Variants in CHODL observed in about 807,000 individuals in gnomAD.
The protein encoded by CHODL is transmembrane protein MT75.
A neutral mutation model predicts 34.5 loss-of-function variants in CHODL; 29 were observed. That is an observed-to-expected ratio of 0.84 (90% CI 0.63 to 1.15). The LOEUF (loss-of-function observed/expected upper bound fraction) is 1.15. Among genes scored for constraint, CHODL ranks in the 50% most tolerant of loss-of-function variants. CHODL has a pLI of 0.00. For synonymous variants in CHODL, 125 were observed against 116.1 expected (o/e 1.08, Z -0.49); for missense variants, 332 against 332.5 (o/e 1.00, Z 0.01).
intron 1 of CHODL, among the ~76,000 whole-genome samples, chr21:17,968,395 T>G (rs896733765): frequency 1.3e-5 from 2 of 152,238 alleles, no homozygotes; most frequent in South Asian, 2.1e-4. Flanking sequence ...AGTATTTTCT[T>G]GGCACCTGGT....
intron 2 of CHODL, among the ~76,000 whole-genome samples, chr21:18,117,919 G>A (rs191316874): frequency 5.1e-4 from 78 of 152,158 alleles, no homozygotes; most frequent in African/African-American, 1.6e-3. Flanking sequence ...GGCTTGCTGT[G>A]CAGGGCTCTT....
At chr21:18,250,460 TATAA>T (rs1432719162) in intron 1 of CHODL, among the ~76,000 whole-genome samples, 2 of 151,774 alleles carry the variant, frequency 1.3e-5, no homozygotes, top group Admixed American at 1.3e-4. Flanking sequence ...TAAATAAAAT[TATAA>T]ATAAATTTGT....
intron 2 of CHODL, among the ~76,000 whole-genome samples, chr21:18,221,088 A>C (rs2073879065): frequency 6.6e-6 from 1 of 151,996 alleles, no homozygotes; most frequent in African/African-American, 2.4e-5. Flanking sequence ...ATGCTTTTTA[A>C]TTCTTTTTTT....
chr21:18,160,199 C>CT (rs1384705038), intron 2 of CHODL, among the ~76,000 whole-genome samples: 1 of 152,138 alleles, frequency 6.6e-6, no homozygotes, highest in African/African-American at 2.4e-5. Flanking sequence ...ATAAAGTGAT[C>CT]TACACAGGGT....
intron 2 of CHODL, among the ~76,000 whole-genome samples, chr21:18,146,446 T>A (rs2072890565): frequency 6.6e-6 from 1 of 152,112 alleles, no homozygotes; most frequent in Admixed American, 6.5e-5. Context: ...GGTTCCCCCA[T>A]GCTGTTCTCA....
chr21:18,088,444 T>C (rs2065033922), intron 2 of CHODL, among the ~76,000 whole-genome samples: 1 of 152,188 alleles, frequency 6.6e-6, no homozygotes, highest in Non-Finnish European at 1.5e-5. Flanking sequence ...CATGGGATTC[T>C]CTGTGGGCTC....
chr21:18,211,074 G>A (rs2073768279), intron 2 of CHODL, among the ~76,000 whole-genome samples: 1 of 151,120 alleles, frequency 6.6e-6, no homozygotes, highest in South Asian at 2.1e-4. Flanking sequence ...CACCACTCCT[G>A]TTCATACACC....
At chr21:18,095,949 A>G (rs1212084665) in intron 2 of CHODL, among the ~76,000 whole-genome samples, 1 of 152,214 alleles carries the variant, frequency 6.6e-6, no homozygotes, top group Admixed American at 6.5e-5. Context: ...GATAAAGTTT[A>G]ATACCCTTTC....
intron 1 of CHODL, among the ~76,000 whole-genome samples, chr21:17,949,088 C>T (rs1285966876): frequency 6.6e-6 from 1 of 152,048 alleles, no homozygotes; most frequent in Middle Eastern, 3.2e-3. Context: ...TTTTATGGGC[C>T]CCTGAGTGTG....
chr21:17,962,296 A>G (rs1225913198), intron 1 of CHODL, among the ~76,000 whole-genome samples: 3 of 152,210 alleles, frequency 2.0e-5, no homozygotes, highest in Admixed American at 2.0e-4. Flanking sequence ...TTTAACCTTG[A>G]TAAATAGGAC....
intron 2 of CHODL, among the ~76,000 whole-genome samples, chr21:18,230,994 A>T (rs1441974019): frequency 6.6e-6 from 1 of 152,126 alleles, no homozygotes; most frequent in Non-Finnish European, 1.5e-5. Context: ...TTCAACCCTT[A>T]TAATGAATTT....
chr21:18,217,723 T>A (rs562537645), intron 2 of CHODL, among the ~76,000 whole-genome samples: 1 of 152,262 alleles, frequency 6.6e-6, no homozygotes, highest in East Asian at 1.9e-4. Context: ...CAAAGTCTCA[T>A]CTGAGACAAG....
intron 2 of CHODL, among the ~76,000 whole-genome samples, chr21:18,157,265 T>C (rs1013160931): frequency 4.6e-5 from 7 of 152,224 alleles, no homozygotes; most frequent in Admixed American, 2.0e-4. Flanking sequence ...ATGATGTTTA[T>C]GGTGTATTTA....
rs10671177 is a variant in CHODL at position 18,145,435 on chromosome 21, C to CAAAA, written c.-44-111055_-44-111052dup. ...CTAGGGGACGAGTGAGACTACCTTT[C>CAAAA]AAAAAAAAAAAAAAAAAAAAAAGCG... On this transcript the variant is annotated intron_variant, in intron 2 of 6. Transcript: ENST00000400127. Among the ~76,000 whole-genome samples, 116 of 60,850 alleles carry CAAAA rather than the reference C, an allele frequency of 1.9e-3. 38 individuals are homozygous for CAAAA. The highest frequency in any genetic ancestry group is 3.5e-3 in the African/African-American group (66 of 18,916). 39.9% of individuals were successfully genotyped at this position (60,850 alleles called of 152,430 possible). A position where few individuals can be genotyped will look rare whatever the true frequency, so the allele number is the denominator to read the frequency against.
chr21:18,001,901 A>G (rs1380459146), intron 1 of CHODL, among the ~76,000 whole-genome samples: 2 of 151,812 alleles, frequency 1.3e-5, no homozygotes, highest in African/African-American at 2.4e-5. Flanking sequence ...ATATCTGGAT[A>G]TAGTCTATTT....
At chr21:18,031,558 C>G (rs2064248168) in intron 2 of CHODL, among the ~76,000 whole-genome samples, 1 of 151,926 alleles carries the variant, frequency 6.6e-6, no homozygotes, top group African/African-American at 2.4e-5. Flanking sequence ...GAGAAAAATG[C>G]CATTACATTT....
chr21:18,162,230 T>C lies in CHODL; in HGVS notation c.-44-94279T>C, dbSNP rs534720723. On this transcript the variant is annotated intron_variant, in intron 2 of 6. Transcript: ENST00000400127. ...TAAACAACAGAAATTTATTGTCTCA[T>C]GGTTACGGAGGCTAAAAGCCCAACA... Among the ~76,000 whole-genome samples the C allele has an allele frequency of 8.5e-5, 13 of 152,252 alleles. No homozygotes were observed. In the East Asian group the frequency reaches 2.5e-3, roughly 29 times the overall value.
intron 2 of CHODL, among the ~76,000 whole-genome samples, chr21:18,090,514 A>G (rs2065059664): frequency 1.3e-5 from 2 of 152,204 alleles, no homozygotes; most frequent in Non-Finnish European, 2.9e-5. Context: ...AACTTAAAAA[A>G]TATTTCAGTT....
At chr21:17,920,089 A>C (rs561557141) in intron 1 of CHODL, among the ~76,000 whole-genome samples, 110 of 152,290 alleles carry the variant, frequency 7.2e-4, no homozygotes, top group African/African-American at 2.6e-3. Context: ...GGGAGTTCCA[A>C]ACTTTCCCAC....
Sources: gnomAD v4.1 joint callset for allele counts (sites outside exome capture counted in the v4.1 genomes callset) on GRCh38, gnomAD v4.1.1 for gene constraint, MANE v1.5 for transcripts, NCBI Gene and HGNC (gene_info 2026-07-23, HGNC 2026-07-21) for gene names.